The following DOK6 variants were observed in gnomAD, a reference collection of about 807,000 sequenced individuals.
DOK6 encodes the protein docking protein 6.
Under a neutral mutation model 44.0 loss-of-function variants are expected in DOK6, and 22 were observed. The observed-to-expected ratio is 0.50, with a 90% CI of 0.36 to 0.71. The LOEUF is 0.71. Among genes scored for constraint, DOK6 ranks in the 30% least tolerant of loss-of-function variants. The pLI, the probability that DOK6 is intolerant of heterozygous loss-of-function variation, is 0.00. For synonymous variants in DOK6, 166 were observed against 145.5 expected, an observed-to-expected ratio of 1.14 and a Z score of -1.01; for missense variants, 340 against 416.4, an observed-to-expected ratio of 0.82 and a Z score of 1.60.
In DOK6 at chr18:69,465,616, T is replaced by C. The variant is rs536702845; in HGVS notation, c.66+64306T>C. On this transcript the variant is annotated intron_variant, in intron 1 of 7. Coordinates refer to ENST00000382713, the MANE Select transcript of DOK6 (RefSeq NM_152721.6). ...ATGATGATTTCCAATTTCATCCATG[T>C]CCCTACAAAGGACATGAACTCATCA... Among the ~76,000 whole-genome samples the C allele has an allele frequency of 2.0e-5, 3 of 152,286 alleles. No homozygotes were observed. The South Asian group carries it at 6.2e-4, about 32-fold the overall frequency.
chr18:69,412,247 C>T (rs1049318014), intron 1 of DOK6, among the ~76,000 whole-genome samples: 2 of 152,094 alleles, frequency 1.3e-5, no homozygotes, highest in East Asian at 3.9e-4. Flanking sequence ...TCCTCCAGAA[C>T]TCCGCTGAGA....
rs1443090342 is a variant in DOK6, at chr18:69,793,898, A to C, written c.856+36025A>C. 2.6e-5 allele frequency among the ~76,000 whole-genome samples: 4 copies of C among 152,292 alleles called. No individual in the cohort carries two copies. In the East Asian group the frequency reaches 7.7e-4, roughly 29 times the overall value. ...CAAAAGCCCAATGGGATATTAAAGT[A>C]AAAGCCACACTCAACGAAACTGAGG... On this transcript the variant is annotated intron_variant, in intron 7 of 7. Transcript: ENST00000382713.
At chr18:69,475,077 A>C (rs938817784) in intron 1 of DOK6, among the ~76,000 whole-genome samples, 3 of 152,334 alleles carry the variant, frequency 2.0e-5, no homozygotes, top group Admixed American at 2.0e-4. Context: ...TCAAGAAAAA[A>C]ACTCACTAAA....
intron 7 of DOK6, chr18:69,832,478 C>T (rs549010438): frequency 6.7e-6 from 1 of 149,058 alleles, no homozygotes; most frequent in African/African-American, 2.4e-5. Flanking sequence ...AGATATTGGC[C>T]TGTAGTTTTC....
chr18:69,821,618 G>A (rs1042914698), intron 7 of DOK6, among the ~76,000 whole-genome samples: 8 of 152,012 alleles, frequency 5.3e-5, no homozygotes, highest in Admixed American at 1.3e-4. Context: ...ATTAAAACAC[G>A]CTTCACTCTT....
rs1982279573 is a variant in DOK6, at chr18:69,843,429, C to T, written c.*2046C>T. The T allele has an allele frequency of 6.6e-6, 1 of 152,278 alleles. No individual in the cohort carries two copies. The highest frequency in any genetic ancestry group is 1.5e-5 in the Non-Finnish European group (1 of 68,078). 9.4% of individuals were successfully genotyped at this position (152,278 alleles called of 1,614,324 possible). The stretch of plus-strand genomic sequence containing the variant: ...TTGAGCACAGTTCCTAGTGGGGCCA[C>T]ATTCAGAGCAAGCCTCTCGCCGGCT... On this transcript the variant is annotated 3_prime_UTR_variant, in exon 8 of 8. Transcript: ENST00000382713.
intron 3 of DOK6, among the ~76,000 whole-genome samples, chr18:69,665,866 C>T (rs1022356128): frequency 2.0e-5 from 3 of 151,878 alleles, no homozygotes; most frequent in Admixed American, 1.3e-4. Context: ...TCTCTCAGAC[C>T]TTATGCCCTC....
rs903163290 is a variant in DOK6 at position 69,455,369 on chromosome 18, T to C, written c.66+54059T>C. On this transcript the variant is annotated intron_variant, in intron 1 of 7. Coordinates refer to ENST00000382713, the MANE Select transcript of DOK6 (RefSeq NM_152721.6). The stretch of plus-strand genomic sequence containing the variant: ...AGGTCAAAAGCCACTTGACCTACTT[T>C]ATTTTTTAAGTCTGAAGAAAGCTTT... Among the ~76,000 whole-genome samples the C allele has an allele frequency of 3.3e-5, 5 of 152,224 alleles. No individual in the cohort carries two copies. In the East Asian group the frequency reaches 9.6e-4, roughly 29 times the overall value.
chr18:69,827,767 G>A (rs1391424123), intron 7 of DOK6, among the ~76,000 whole-genome samples: 7 of 151,900 alleles, frequency 4.6e-5, no homozygotes, highest in South Asian at 2.1e-4. Context: ...GTAAATGTAC[G>A]TAACATTCAA....
chr18:69,790,917 T>C (rs1044037568), intron 7 of DOK6, among the ~76,000 whole-genome samples: 1 of 149,726 alleles, frequency 6.7e-6, no homozygotes, highest in Non-Finnish European at 1.5e-5. Context: ...CCATTAACCA[T>C]CCCACCCCTC....
At chr18:69,504,678 T>G (rs773638767) in intron 1 of DOK6, among the ~76,000 whole-genome samples, 11 of 152,176 alleles carry the variant, frequency 7.2e-5, no homozygotes, top group Admixed American at 2.0e-4. Context: ...GTGACATTTT[T>G]TCCATTTGTT....
At chr18:69,807,140 G>A (rs1738499429) in intron 7 of DOK6, among the ~76,000 whole-genome samples, 1 of 151,528 alleles carries the variant, frequency 6.6e-6, no homozygotes, top group Non-Finnish European at 1.5e-5. Context: ...GCATCACCTG[G>A]GACCTTGTTA....
At position 69,450,086 on chromosome 18, in the gene DOK6, A is replaced by G. The variant is rs911216169; in HGVS notation, c.66+48776A>G. 7.2e-3 allele frequency among the ~76,000 whole-genome samples: 944 copies of G among 131,380 alleles called. 10 individuals are homozygous for G. Among genetic ancestry groups the G allele is most frequent in the African/African-American group, 0.026 (891 of 33,940 alleles). 86.2% of individuals were successfully genotyped at this position (131,380 alleles called of 152,430 possible). On this transcript the variant is annotated intron_variant, in intron 1 of 7. Coordinates refer to ENST00000382713, the MANE Select transcript of DOK6 (RefSeq NM_152721.6). ...AATGACTTTGACGAGCTGAGAGAAG[A>G]AGGCTTCGGACGATCAAATTACTCT...
intron 1 of DOK6, among the ~76,000 whole-genome samples, chr18:69,420,190 T>C (rs1490901875): frequency 2.0e-5 from 3 of 152,058 alleles, no homozygotes; most frequent in Non-Finnish European, 4.4e-5. Flanking sequence ...TTAAAGGCTA[T>C]CTAAATTAAA....
chr18:69,445,565 A>AT (rs1486878180), intron 1 of DOK6, among the ~76,000 whole-genome samples: 1 of 151,898 alleles, frequency 6.6e-6, no homozygotes, highest in Non-Finnish European at 1.5e-5. Context: ...CATCATATAG[A>AT]TTTTTTTCCT....
chr18:69,821,163 T>C (rs2145124022), intron 7 of DOK6, among the ~76,000 whole-genome samples: 1 of 152,316 alleles, frequency 6.6e-6, no homozygotes, highest in East Asian at 1.9e-4. Flanking sequence ...TTGGTTAAAA[T>C]GGTCTAGAAT....
At chr18:69,626,061 A>AT (rs1984550638) in intron 3 of DOK6, among the ~76,000 whole-genome samples, 1 of 152,214 alleles carries the variant, frequency 6.6e-6, no homozygotes, top group African/African-American at 2.4e-5. Flanking sequence ...ACAATGACTG[A>AT]TAGCACTGCC....
chr18:69,622,833 AG>A (rs761530862), intron 3 of DOK6, among the ~76,000 whole-genome samples: 3 of 152,222 alleles, frequency 2.0e-5, no homozygotes, highest in Non-Finnish European at 4.4e-5. Flanking sequence ...CAGAAAGATA[AG>A]GATTTATAGG....
At chr18:69,619,833 G>A (rs531561008) in intron 3 of DOK6, among the ~76,000 whole-genome samples, 2 of 151,986 alleles carry the variant, frequency 1.3e-5, no homozygotes, top group African/African-American at 2.4e-5. Flanking sequence ...ACATACACAC[G>A]CACACATATG....
Sources: allele counts gnomAD v4.1 joint callset (sites outside exome capture counted in the v4.1 genomes callset), GRCh38; gene constraint gnomAD v4.1.1; transcripts MANE v1.5; gene names NCBI Gene and HGNC (gene_info 2026-07-23, HGNC 2026-07-21).